The following TMEM132D variants were observed in gnomAD, a reference collection of about 807,000 sequenced individuals.
TMEM132D encodes mature OL transmembrane protein.
Under a neutral mutation model 62.3 loss-of-function variants are expected in TMEM132D, and 21 were observed. The ratio of observed to expected loss-of-function variants is 0.34; its 90% CI spans 0.24 to 0.49. The LOEUF is 0.49. TMEM132D is among the 20% of genes least tolerant of loss of function. The probability of loss-of-function intolerance (pLI) is 0.99; values close to 1 mark genes in which losing one functional copy is unlikely to be tolerated. For synonymous variants in TMEM132D, 621 were observed against 575.6 expected (o/e 1.08, Z -1.13); for missense variants, 1,346 against 1,402.8 (o/e 0.96, Z 0.65).
intron 1 of TMEM132D, among the ~76,000 whole-genome samples, chr12:129,774,986 C>T (rs1294586751): frequency 1.3e-5 from 2 of 150,578 alleles, no homozygotes; most frequent in African/African-American, 4.9e-5. Flanking sequence ...GGGCACAGAA[C>T]CATGTCAGGC....
chr12:129,699,706 C>T, intron 2 of TMEM132D, 104 bp downstream of exon 2: 2 of 1,425,350 alleles, frequency 1.4e-6, no homozygotes, highest in East Asian at 2.3e-5. Context: ...GGAAGGCCGG[C>T]TCTACTTCGG....
chr12:129,459,597 T>A (rs543879096), intron 3 of TMEM132D, among the ~76,000 whole-genome samples: 1 of 152,196 alleles, frequency 6.6e-6, no homozygotes, highest in Non-Finnish European at 1.5e-5. Flanking sequence ...AGGCTCTGTG[T>A]TCAAGTTAGT....
intron 3 of TMEM132D, among the ~76,000 whole-genome samples, chr12:129,406,599 A>G (rs919702252): frequency 6.6e-5 from 10 of 151,502 alleles, no homozygotes; most frequent in African/African-American, 2.2e-4. Context: ...CAGCCTGGGC[A>G]ACAGAGCGAG....
intron 3 of TMEM132D, among the ~76,000 whole-genome samples, chr12:129,352,603 T>C (rs935341725): frequency 4.3e-4 from 65 of 152,068 alleles, no homozygotes; most frequent in Admixed American, 6.5e-5. Context: ...AGGCAAAGGA[T>C]ATGAACAGAC....
chr12:129,100,762 G>A (rs1875280286), intron 5 of TMEM132D, among the ~76,000 whole-genome samples: 1 of 152,216 alleles, frequency 6.6e-6, no homozygotes, highest in Non-Finnish European at 1.5e-5. Flanking sequence ...AGCCTCATTA[G>A]TTAAGAAAAC....
At chr12:129,510,752 C>G (rs867225703) in intron 3 of TMEM132D, among the ~76,000 whole-genome samples, 1 of 152,098 alleles carries the variant, frequency 6.6e-6, no homozygotes, top group Admixed American at 6.5e-5. Context: ...TGTATTCCAG[C>G]GTCTAATAAT....
intron 2 of TMEM132D, among the ~76,000 whole-genome samples, chr12:129,549,714 G>T (rs779318854): frequency 6.6e-6 from 1 of 152,178 alleles, no homozygotes; most frequent in Non-Finnish European, 1.5e-5. Flanking sequence ...GCATAGTCAC[G>T]TGTTTGGCCA....
intron 4 of TMEM132D, among the ~76,000 whole-genome samples, chr12:129,313,406 G>A (rs1312472734): frequency 6.6e-6 from 1 of 152,086 alleles, no homozygotes; most frequent in Non-Finnish European, 1.5e-5. Context: ...ATATCAGTGA[G>A]GACATACAAT....
At chr12:129,372,577 G>C (rs147039925) in intron 3 of TMEM132D, among the ~76,000 whole-genome samples, 41 of 103,486 alleles carry the variant, frequency 4.0e-4, no homozygotes, top group African/African-American at 1.3e-3. Context: ...TGTCAGATCA[G>C]GATCAGCAGT....
intron 4 of TMEM132D, among the ~76,000 whole-genome samples, chr12:129,244,456 A>ACTT (rs947661434): frequency 6.6e-6 from 1 of 151,080 alleles, no homozygotes; most frequent in Admixed American, 6.6e-5. Context: ...CATTCAGCAA[A>ACTT]CTTCTTGCTC....
chr12:129,468,933 A>T (rs1449013439), intron 3 of TMEM132D, among the ~76,000 whole-genome samples: 1 of 152,214 alleles, frequency 6.6e-6, no homozygotes, highest in African/African-American at 2.4e-5. Context: ...GCTTGTTTTC[A>T]TATGGCATTC....
intron 2 of TMEM132D, among the ~76,000 whole-genome samples, chr12:129,651,873 G>A (rs1274650791): frequency 6.6e-6 from 1 of 152,192 alleles, no homozygotes; most frequent in Non-Finnish European, 1.5e-5. Flanking sequence ...CTTCCCAGGA[G>A]AATTGCAAAA....
intron 1 of TMEM132D, chr12:129,853,841 A>T (rs931887420): frequency 8.5e-5 from 13 of 152,134 alleles, no homozygotes; most frequent in African/African-American, 3.1e-4. Flanking sequence ...GGTTTGACTC[A>T]TAAGTTTACT....
intron 1 of TMEM132D, among the ~76,000 whole-genome samples, chr12:129,839,116 A>ACTTTTTT (rs1224483461): frequency 1.6e-4 from 1 of 6,450 alleles, no homozygotes; most frequent in African/African-American, 4.9e-4. Context: ...ACGCCTGGCT[A>ACTTTTTT]ATTTTTTTTT....
At chr12:129,613,713 G>A (rs934684785) in intron 2 of TMEM132D, among the ~76,000 whole-genome samples, 1 of 152,218 alleles carries the variant, frequency 6.6e-6, no homozygotes, top group Non-Finnish European at 1.5e-5. Context: ...CGAGAACCCA[G>A]GCAACTGTCT....
At chr12:129,334,604 C>CGTTTTGTTTT (rs1364240457) in intron 4 of TMEM132D, among the ~76,000 whole-genome samples, 2 of 152,064 alleles carry the variant, frequency 1.3e-5, no homozygotes, top group African/African-American at 4.8e-5. Context: ...CAGCCCACCA[C>CGTTTTGTTTT]GTTTTGTTTT....
intron 2 of TMEM132D, among the ~76,000 whole-genome samples, chr12:129,579,338 G>A (rs377608498): frequency 2.0e-5 from 3 of 152,072 alleles, no homozygotes; most frequent in Admixed American, 6.6e-5. Context: ...CTACAGGGAC[G>A]AAACTAATCA....
At chr12:129,674,680 C>T (rs1348205773) in intron 2 of TMEM132D, among the ~76,000 whole-genome samples, 1 of 152,146 alleles carries the variant, frequency 6.6e-6, no homozygotes, top group Non-Finnish European at 1.5e-5. Flanking sequence ...GCTGGGATTA[C>T]AGGCACACAC....
chr12:129,870,893 G>A (rs778059065), intron 1 of TMEM132D, among the ~76,000 whole-genome samples: 1 of 151,980 alleles, frequency 6.6e-6, no homozygotes, highest in African/African-American at 2.4e-5. Flanking sequence ...TAACCCACGG[G>A]GTCTGCACTA....
Sources: allele counts gnomAD v4.1 joint callset (sites outside exome capture counted in the v4.1 genomes callset), GRCh38; gene constraint gnomAD v4.1.1; transcripts MANE v1.5; gene names NCBI Gene and HGNC (gene_info 2026-07-23, HGNC 2026-07-21).